KIAA0586: variants seen among roughly 807,000 people sequenced by gnomAD.
KIAA0586 encodes the protein KIAA0586.
KIAA0586 carries 144 observed loss-of-function variants against 169.8 expected under a neutral mutation model. The observed-to-expected ratio is 0.85, with a 90% CI of 0.74 to 0.97. The LOEUF is 0.97. Among genes scored for constraint, KIAA0586 ranks in the 50% least tolerant of loss-of-function variants. The probability of loss-of-function intolerance (pLI) is 0.00; values close to 1 mark genes in which losing one functional copy is unlikely to be tolerated. For synonymous variants in KIAA0586, 625 were observed against 612.4 expected, an observed-to-expected ratio of 1.02 and a Z score of -0.30; for missense variants, 1,854 against 1,823.0, an observed-to-expected ratio of 1.02 and a Z score of -0.31.
chr14:58,499,257 T>C (rs1201884427), intron 27 of KIAA0586, among the ~76,000 whole-genome samples: 3 of 152,148 alleles, frequency 2.0e-5, no homozygotes, highest in Non-Finnish European at 4.4e-5. Flanking sequence ...TATTTCATTC[T>C]ATTTATTTAT....
Position 58,530,715 on chromosome 14 carries a change from A to G in KIAA0586, c.4430-9356A>G, listed in dbSNP as rs541920361. Reference sequence around the variant, plus strand: ...TTCAAGATGGATTAAAGACTTAAACATAAGACCTAAAACCATAAAAACCCT... The same window carrying G: ...TTCAAGATGGATTAAAGACTTAAACGTAAGACCTAAAACCATAAAAACCCT... On this transcript the variant is annotated intron_variant, in intron 29 of 30. Transcript: ENST00000652326. Among the ~76,000 whole-genome samples the G allele has an allele frequency of 1.8e-4, 27 of 152,258 alleles. No individual in the cohort carries two copies. In the South Asian group the frequency reaches 5.2e-3, roughly 29 times the overall value.
intron 27 of KIAA0586, among the ~76,000 whole-genome samples, chr14:58,507,341 TATA>T (rs1310209120): frequency 3.5e-4 from 51 of 146,158 alleles, no homozygotes; most frequent in Middle Eastern, 3.6e-3. Flanking sequence ...TATATAAATA[TATA>T]ATATCATATA....
At chr14:58,433,338 A>C (rs1321111834) in intron 4 of KIAA0586, 2 of 152,228 alleles carry the variant, frequency 1.3e-5, no homozygotes, top group Non-Finnish European at 2.9e-5. Flanking sequence ...CAGTGCTGGG[A>C]TTACAGGTGT....
intron 9 of KIAA0586, among the ~76,000 whole-genome samples, chr14:58,456,488 G>A (rs2039862020): frequency 6.6e-6 from 1 of 151,984 alleles, no homozygotes; most frequent in African/African-American, 2.4e-5. Flanking sequence ...AAACTTTTCT[G>A]GTTAGATAAT....
chr14:58,553,491 A>G (rs551622204), downstream of KIAA0586, among the ~76,000 whole-genome samples: 12 of 152,288 alleles, frequency 7.9e-5, no homozygotes, highest in East Asian at 2.3e-3. Flanking sequence ...CAGCAATTTT[A>G]CACGGGAGTC....
chr14:58,463,826 TA>T (rs11389147), intron 14 of KIAA0586: 1,031 of 208,552 alleles, frequency 4.9e-3, no homozygotes, highest in South Asian at 0.016. Flanking sequence ...ACCCTGTCTC[TA>T]AAAAAAAAAA....
intron 6 of KIAA0586, among the ~76,000 whole-genome samples, chr14:58,444,807 G>C (rs1016134488): frequency 3.4e-5 from 5 of 148,728 alleles, no homozygotes; most frequent in Admixed American, 2.1e-4. Context: ...AGAATTACTT[G>C]AACAGCTTTA....
At chr14:58,489,137 A>G (rs1359079255) in intron 24 of KIAA0586, among the ~76,000 whole-genome samples, 1 of 151,998 alleles carries the variant, frequency 6.6e-6, no homozygotes, top group Non-Finnish European at 1.5e-5. Context: ...GTCTATGCAT[A>G]TATAGACACA....
intron 29 of KIAA0586, among the ~76,000 whole-genome samples, chr14:58,527,151 G>A (rs1163784984): frequency 6.6e-6 from 1 of 152,040 alleles, no homozygotes; most frequent in Non-Finnish European, 1.5e-5. Context: ...GACAAGAATA[G>A]AGAAAAAAGA....
chr14:58,489,308 T>G (rs535847904), intron 24 of KIAA0586, among the ~76,000 whole-genome samples: 2 of 150,136 alleles, frequency 1.3e-5, no homozygotes, highest in Admixed American at 6.7e-5. Context: ...CAGCCTCAAC[T>G]TCCTGGGCTC....
downstream of KIAA0586, among the ~76,000 whole-genome samples, chr14:58,552,455 T>C (rs1367824171): frequency 6.6e-6 from 1 of 152,186 alleles, no homozygotes; most frequent in East Asian, 1.9e-4. Context: ...TGTAAAGCTA[T>C]TTGATGGTCC....
At chr14:58,490,619 C>A (rs184296108) in intron 25 of KIAA0586, among the ~76,000 whole-genome samples, 41 of 151,992 alleles carry the variant, frequency 2.7e-4, no homozygotes, top group African/African-American at 9.2e-4. Context: ...GATTATAATT[C>A]TTTGTGCTAA....
chr14:58,434,826 A>C (rs1013669895), intron 4 of KIAA0586, among the ~76,000 whole-genome samples: 1 of 151,994 alleles, frequency 6.6e-6, no homozygotes, highest in African/African-American at 2.4e-5. Context: ...GCTGGAGTTC[A>C]TGGGTAGGTT....
chr14:58,488,504 A>G, intron 23 of KIAA0586, 117 bp from the exon 24 acceptor site: 1 of 1,162,454 alleles, frequency 8.6e-7, no homozygotes, highest in Admixed American at 2.5e-5. Context: ...ATAGTAGTGC[A>G]GATTTAAAAA....
In KIAA0586 at chr14:58,432,395, C is replaced by A; in HGVS notation, c.348C>A (p.Asp116Glu). The A allele has an allele frequency of 1.3e-6, 2 of 1,540,240 alleles. No homozygotes were observed. Among genetic ancestry groups the A allele is most frequent in the Non-Finnish European group, 8.8e-7 (1 of 1,141,204 alleles). ...IEENNKQKAN[D>E]IFISQYTMGQ... ...TGTGTCTTGATTTTGCAGCAAATGA[C>A]ATCTTCATTTCTCAGTATACAATGG... Residue 116 changes from aspartate (D) to glutamate (E), a missense_variant, in exon 4 of 31, where the codon GAC (aspartate) becomes GAA (glutamate). Physicochemically the swap from Asp to Glu is conservative, Grantham distance 45. Transcript: ENST00000652326.
chr14:58,478,532 A>T (rs756483086), intron 20 of KIAA0586, among the ~76,000 whole-genome samples: 2 of 152,054 alleles, frequency 1.3e-5, no homozygotes, highest in African/African-American at 4.8e-5. Context: ...GGGTCTTGCT[A>T]TATTGCCCAG....
At chr14:58,510,655 C>T (rs539377955) in intron 28 of KIAA0586, among the ~76,000 whole-genome samples, 1 of 152,226 alleles carries the variant, frequency 6.6e-6, no homozygotes, top group Non-Finnish European at 1.5e-5. Flanking sequence ...CATATATTTA[C>T]ACAAAGACAT....
At chr14:58,432,249 C>G (rs183182995) in intron 3 of KIAA0586, 139 bp from the exon 4 acceptor site, 1 of 582,820 alleles carries the variant, frequency 1.7e-6, no homozygotes, top group Non-Finnish European at 3.0e-6. Context: ...TTAATTTGTT[C>G]CTTGTCCTTT....
At chr14:58,439,688 G>A (rs4143897) in intron 4 of KIAA0586, 49,692 of 192,062 alleles carry the variant, frequency 0.26, 6,659 homozygotes, top group East Asian at 0.36. Flanking sequence ...GGTATGAGAC[G>A]GTAAGCAAGT....
Sources: allele counts gnomAD v4.1 joint callset (sites outside exome capture counted in the v4.1 genomes callset), GRCh38; gene constraint gnomAD v4.1.1; transcripts MANE v1.5; gene names NCBI Gene and HGNC (gene_info 2026-07-23, HGNC 2026-07-21).